Variants in GABBR2 observed in about 807,000 individuals in gnomAD.
GABBR2 encodes gamma-aminobutyric acid type B receptor subunit 2.
A neutral mutation model predicts 105.6 loss-of-function variants in GABBR2; 23 were observed. The observed-to-expected ratio is 0.22, with a 90% CI of 0.16 to 0.31. The LOEUF (loss-of-function observed/expected upper bound fraction) is 0.31, where lower values mean the gene tolerates loss of function less well. Among genes scored for constraint, GABBR2 ranks in the 10% least tolerant of loss-of-function variants. The probability of loss-of-function intolerance (pLI) is 1.00; values close to 1 mark genes in which losing one functional copy is unlikely to be tolerated. For missense variants in GABBR2, 734 were observed against 1,245.5 expected, an observed-to-expected ratio of 0.59 and a Z score of 6.18; for synonymous variants, 478 against 499.7, an observed-to-expected ratio of 0.96 and a Z score of 0.58.
chr9:98,393,102 CCATCCACT>C (rs1205687397), intron 9 of GABBR2, among the ~76,000 whole-genome samples: 2 of 150,408 alleles, frequency 1.3e-5, no homozygotes, highest in Admixed American at 6.6e-5. Context: ...AACCATCCAT[CCATCCACT>C]CATCCACTCA....
intron 6 of GABBR2, among the ~76,000 whole-genome samples, chr9:98,472,876 A>T (rs1173731782): frequency 1.3e-5 from 2 of 152,024 alleles, no homozygotes; most frequent in Admixed American, 6.6e-5. Flanking sequence ...TGATGCCAGG[A>T]CTCTATTATT....
At chr9:98,626,989 C>T (rs1172837630) in intron 1 of GABBR2, among the ~76,000 whole-genome samples, 1 of 152,198 alleles carries the variant, frequency 6.6e-6, no homozygotes, top group Non-Finnish European at 1.5e-5. Flanking sequence ...TTTGAAACCG[C>T]CTTTCTTGAG....
At chr9:98,592,335 A>T (rs1051153866) in intron 1 of GABBR2, among the ~76,000 whole-genome samples, 1 of 152,244 alleles carries the variant, frequency 6.6e-6, no homozygotes, top group Non-Finnish European at 1.5e-5. Flanking sequence ...ATTTTGGTTC[A>T]ATTTATACAT....
intron 1 of GABBR2, among the ~76,000 whole-genome samples, chr9:98,581,837 T>C (rs562134220): frequency 6.6e-6 from 1 of 152,356 alleles, no homozygotes; most frequent in African/African-American, 2.4e-5. Flanking sequence ...TTAGCAACAA[T>C]GAATTTATTA....
In GABBR2 at chr9:98,378,328, G is replaced by A. The variant is rs537815907; in HGVS notation, c.1663-6757C>T. Among the ~76,000 whole-genome samples, 52 of 152,196 alleles carry A rather than the reference G, an allele frequency of 3.4e-4. 1 individual carries two copies. Among genetic ancestry groups the A allele is most frequent in the Admixed American group, 2.6e-3 (39 of 15,294 alleles). The stretch of plus-strand genomic sequence containing the variant: ...TCCATCTGAGCAGAGTGAAGAGGCC[G>A]AAGGGGTGCTTCGGGACTCGAACCC... On this transcript the variant is annotated intron_variant, in intron 11 of 18. Transcript: ENST00000259455.
At chr9:98,697,490 C>CAA (rs5899354) in intron 1 of GABBR2, among the ~76,000 whole-genome samples, 3,277 of 140,920 alleles carry the variant, frequency 0.023, 122 homozygotes, top group African/African-American at 0.073. Context: ...CACTCCGTCT[C>CAA]AAAAAAAAAA....
chr9:98,327,242 A>G (rs1030169634), intron 13 of GABBR2, among the ~76,000 whole-genome samples: 4 of 152,164 alleles, frequency 2.6e-5, no homozygotes, highest in Admixed American at 6.5e-5. Flanking sequence ...TTAGATCCTC[A>G]TTATGTCTTG....
chr9:98,704,346 T>G (rs142983924), intron 1 of GABBR2, among the ~76,000 whole-genome samples: 32 of 152,362 alleles, frequency 2.1e-4, no homozygotes, highest in African/African-American at 7.0e-4. Context: ...TTCTGACAGT[T>G]GTACCCCTAG....
At chr9:98,531,655 T>C (rs974025011) in intron 3 of GABBR2, among the ~76,000 whole-genome samples, 1 of 152,242 alleles carries the variant, frequency 6.6e-6, no homozygotes, top group South Asian at 2.1e-4. Context: ...GCACTGCTAG[T>C]GGGCTGCACT....
At chr9:98,508,713 G>A (rs868358170) in intron 3 of GABBR2, among the ~76,000 whole-genome samples, 1 of 152,240 alleles carries the variant, frequency 6.6e-6, no homozygotes, top group African/African-American at 2.4e-5. Flanking sequence ...GCGAGGCTGG[G>A]GGAGGGGCGC....
At chr9:98,672,067 C>T (rs1462243294) in intron 1 of GABBR2, among the ~76,000 whole-genome samples, 1 of 152,132 alleles carries the variant, frequency 6.6e-6, no homozygotes, top group South Asian at 2.1e-4. Flanking sequence ...TGAAAAAATA[C>T]ATAATATAAA....
intron 7 of GABBR2, among the ~76,000 whole-genome samples, chr9:98,425,977 A>T (rs1348377355): frequency 1.3e-5 from 2 of 152,216 alleles, no homozygotes; most frequent in Non-Finnish European, 2.9e-5. Flanking sequence ...AAATGCACGT[A>T]GTATGTAATA....
At chr9:98,394,063 C>T in intron 9 of GABBR2, 112 bp downstream of exon 9, 1 of 741,782 alleles carries the variant, frequency 1.3e-6, no homozygotes, top group South Asian at 1.6e-5. Context: ...TGAGGATGTT[C>T]CCTTGACCCC....
intron 3 of GABBR2, among the ~76,000 whole-genome samples, chr9:98,517,937 A>C (rs1367963022): frequency 6.6e-6 from 1 of 151,820 alleles, no homozygotes; most frequent in African/African-American, 2.4e-5. Context: ...TCAGAGGACC[A>C]GTGAGAGCCT....
intron 9 of GABBR2, among the ~76,000 whole-genome samples, chr9:98,390,135 G>A (rs1832152592): frequency 6.6e-6 from 1 of 152,160 alleles, no homozygotes; most frequent in African/African-American, 2.4e-5. Context: ...AGCACTTTGG[G>A]AGGCCAAGGC....
At chr9:98,338,582 C>G (rs962463788) in intron 13 of GABBR2, among the ~76,000 whole-genome samples, 1 of 152,168 alleles carries the variant, frequency 6.6e-6, no homozygotes, top group Non-Finnish European at 1.5e-5. Flanking sequence ...CACCAGAAAC[C>G]TTTATACTCA....
chr9:98,403,402 G>A (rs1832433608), intron 8 of GABBR2, among the ~76,000 whole-genome samples: 1 of 152,140 alleles, frequency 6.6e-6, no homozygotes, highest in Non-Finnish European at 1.5e-5. Context: ...AGAGGGTGAG[G>A]GGAGCACACT....
At chr9:98,701,244 A>G (rs2131886932) in intron 1 of GABBR2, among the ~76,000 whole-genome samples, 1 of 152,330 alleles carries the variant, frequency 6.6e-6, no homozygotes, top group Admixed American at 6.5e-5. Flanking sequence ...CCCAATATCA[A>G]ACATTAAACA....
At chr9:98,351,503 T>C (rs971820773) in intron 13 of GABBR2, among the ~76,000 whole-genome samples, 16 of 152,340 alleles carry the variant, frequency 1.1e-4, no homozygotes, top group African/African-American at 3.6e-4. Context: ...CTTGTAGGGA[T>C]GGTCTAGTGA....
Sources: gnomAD v4.1 joint callset for allele counts (sites outside exome capture counted in the v4.1 genomes callset) on GRCh38, gnomAD v4.1.1 for gene constraint, MANE v1.5 for transcripts, NCBI Gene and HGNC (gene_info 2026-07-23, HGNC 2026-07-21) for gene names.